The following ADAM10 variants were observed in gnomAD, a reference collection of about 807,000 sequenced individuals.
ADAM10 encodes disintegrin and metalloproteinase domain-containing protein 10.
ADAM10 carries 17 observed loss-of-function variants against 90.1 expected under a neutral mutation model. The observed-to-expected ratio is 0.19, with a 90% CI of 0.13 to 0.28. The LOEUF is 0.28. Ranked by LOEUF, ADAM10 falls within the 10% of genes least tolerant of loss-of-function variation. The pLI is 1.00. For missense variants in ADAM10, 610 were observed against 914.3 expected, an observed-to-expected ratio of 0.67 and a Z score of 4.29; for synonymous variants, 310 against 298.6, an observed-to-expected ratio of 1.04 and a Z score of -0.40.
chr15:58,621,362 A>C, intron 11 of ADAM10, 109 bp downstream of exon 11: 3 of 1,383,388 alleles, frequency 2.2e-6, no homozygotes, highest in South Asian at 1.2e-5. Flanking sequence ...AACAGATAAA[A>C]GCAAAGTTTC....
At position 58,595,580 on chromosome 15, in the gene ADAM10, A is replaced by G. The variant is rs1485784701; in HGVS notation, c.*1967T>C. ...ATCTCATTTGTCTTGATCCTTTTAT[A>G]TTACCACATCTTGATTCGCAGTGGA... On this transcript the variant is annotated 3_prime_UTR_variant, in exon 16 of 16. Transcript: ENST00000260408. The G allele has an allele frequency of 6.6e-6, 1 of 152,168 alleles. No homozygotes were observed. Among genetic ancestry groups the G allele is most frequent in the African/African-American group, 2.4e-5 (1 of 41,454 alleles). 9.4% of individuals were successfully genotyped at this position (152,168 alleles called of 1,614,324 possible).
chr15:58,627,833 T>C lies in ADAM10; in HGVS notation c.1227A>G (p.Gln409=), dbSNP rs1895990825. The C allele has an allele frequency of 1.2e-6, 2 of 1,613,610 alleles. No individual in the cohort carries two copies. Among genetic ancestry groups the C allele is most frequent in the Admixed American group, 1.7e-5 (1 of 59,994 alleles). ...ACATGATGTAATTGCCATTTTCTTT[T>C]TGACCCAAATTCTTAGATTCTCCTG... ...CTPGESKNLG[Q]KENGNYIMYA... Residue 409 remains glutamine (Q), a synonymous_variant, in exon 10 of 16, where the codon CAA becomes CAG. Coordinates refer to ENST00000260408, the MANE Select transcript of ADAM10 (RefSeq NM_001110.4).
chr15:58,594,756 T>C lies in ADAM10; in HGVS notation c.*2791A>G, dbSNP rs1894906481. 6.6e-6 allele frequency: 1 copy of C among 152,154 alleles called. No homozygotes were observed. The highest frequency in any genetic ancestry group is 1.5e-5 in the Non-Finnish European group (1 of 68,004). The allele number at this position is 152,154 out of a possible 1,614,324, so 9.4% of individuals were successfully genotyped here. On this transcript the variant is annotated 3_prime_UTR_variant, in exon 16 of 16. Coordinates refer to ENST00000260408, the MANE Select transcript of ADAM10 (RefSeq NM_001110.4). ...TTCAATTACAAGTAAAAATAACTAA[T>C]TTATAATTACCCAAATCAATCAATA... is the stretch of plus-strand genomic sequence containing the variant.
rs141157385 is a variant in ADAM10 at position 58,685,460 on chromosome 15, C to A, written c.207-3146G>T. 1.4e-3 allele frequency among the ~76,000 whole-genome samples: 203 copies of A among 143,054 alleles called. 1 individual carries two copies. The highest frequency in any genetic ancestry group is 5.2e-3 in the African/African-American group (193 of 36,800). The allele number at this position is 143,054 out of a possible 152,430, so 93.8% of individuals were successfully genotyped here. A position where few individuals can be genotyped will look rare whatever the true frequency, so the allele number is the denominator to read the frequency against. On this transcript the variant is annotated intron_variant, in intron 2 of 15. Transcript: ENST00000260408. Reference sequence around the variant, plus strand: ...CCTAGGTGACAGAACAACACTCCATCTCCAATAAATAAATAAATAAATAAA... The same window carrying A: ...CCTAGGTGACAGAACAACACTCCATATCCAATAAATAAATAAATAAATAAA...
At chr15:58,672,786 C>CAAAAAAAAAAAAAAAAAAA (rs58659295) in intron 4 of ADAM10, 39 of 60,832 alleles carry the variant, frequency 6.4e-4, no homozygotes, top group African/African-American at 2.2e-3. Context: ...CCTCATGCAG[C>CAAAAAAAAAAAAAAAAAAA]AAAAAAAAAA....
intron 4 of ADAM10, 81 bp downstream of exon 4, chr15:58,679,043 T>C: frequency 7.4e-7 from 1 of 1,349,974 alleles, no homozygotes. Flanking sequence ...AGAAAACAGC[T>C]AATGCTTCAT....
intron 1 of ADAM10, among the ~76,000 whole-genome samples, chr15:58,730,980 C>A (rs548068346): frequency 6.6e-6 from 1 of 152,336 alleles, no homozygotes; most frequent in East Asian, 1.9e-4. Flanking sequence ...CCTAGGGTCT[C>A]CAGCTTGCAG....
chr15:58,731,005 G>A (rs931972136), intron 1 of ADAM10, among the ~76,000 whole-genome samples: 3 of 152,098 alleles, frequency 2.0e-5, no homozygotes, highest in African/African-American at 7.2e-5. Context: ...CCTATCATGG[G>A]ACTTTTCAGT....
At chr15:58,695,942 C>A (rs1368477332) in intron 2 of ADAM10, among the ~76,000 whole-genome samples, 1 of 152,008 alleles carries the variant, frequency 6.6e-6, no homozygotes, top group Non-Finnish European at 1.5e-5. Flanking sequence ...CATGGTGAAA[C>A]CCCATCTCTA....
At chr15:58,703,197 A>G (rs1898179327) in intron 2 of ADAM10, among the ~76,000 whole-genome samples, 1 of 151,154 alleles carries the variant, frequency 6.6e-6, no homozygotes, top group African/African-American at 2.4e-5. Flanking sequence ...AGATTCTTTA[A>G]TTGTTTAGAC....
intron 1 of ADAM10, among the ~76,000 whole-genome samples, chr15:58,740,514 T>G (rs921388911): frequency 2.0e-5 from 3 of 152,250 alleles, no homozygotes; most frequent in South Asian, 4.1e-4. Flanking sequence ...CATATCTCAG[T>G]GTCTGCTTTG....
chr15:58,624,614 C>T (rs796260609), intron 10 of ADAM10, among the ~76,000 whole-genome samples: 16 of 152,268 alleles, frequency 1.1e-4, no homozygotes, highest in African/African-American at 3.6e-4. Flanking sequence ...TCACTGCAAC[C>T]TCCAACTCCT....
rs1898369763 is a variant in ADAM10, at chr15:58,708,347, C to T, written c.206+9230G>A. ...CCCAGGATGGCAAAATGCTGAACAT[C>T]TTCCTGGTGACAGATAAAAAAAAAA... On this transcript the variant is annotated intron_variant, in intron 2 of 15. Transcript: ENST00000260408. Among the ~76,000 whole-genome samples, 4 of 151,956 alleles carry T rather than the reference C, an allele frequency of 2.6e-5. No individual in the cohort carries two copies. The South Asian group carries it at 8.3e-4, about 32-fold the overall frequency.
Position 58,733,352 on chromosome 15 carries a change from C to G in ADAM10, c.56-15625G>C, listed in dbSNP as rs115041888. Among the ~76,000 whole-genome samples the G allele has an allele frequency of 9.2e-3, 1,403 of 152,220 alleles. 26 individuals carry two copies. The highest frequency in any genetic ancestry group is 0.032 in the African/African-American group (1,341 of 41,540). ...GAGTGGTTTCAGTGTGGAAATGACC[C>G]AGCTCCTGCCCAAAAGACCTGGGTT... On this transcript the variant is annotated intron_variant, in intron 1 of 15. Transcript: ENST00000260408.
chr15:58,632,713 T>C (rs1393332972), intron 9 of ADAM10, among the ~76,000 whole-genome samples: 2 of 152,162 alleles, frequency 1.3e-5, no homozygotes, highest in African/African-American at 2.4e-5. Flanking sequence ...CATTCCACGG[T>C]AGAGAAAATA....
chr15:58,732,171 G>A (rs1482667560), intron 1 of ADAM10: 8 of 152,466 alleles, frequency 5.2e-5, no homozygotes, highest in African/African-American at 1.9e-4. Flanking sequence ...TGGACAAAGG[G>A]GCTGCAAGTG....
intron 4 of ADAM10, among the ~76,000 whole-genome samples, chr15:58,666,334 G>A (rs1030163558): frequency 9.3e-5 from 14 of 151,266 alleles, no homozygotes; most frequent in African/African-American, 3.4e-4. Context: ...CTATGAAAGA[G>A]AGAAGCTCCT....
At chr15:58,616,540 C>CAA (rs1389879471) in intron 11 of ADAM10, among the ~76,000 whole-genome samples, 1 of 152,002 alleles carries the variant, frequency 6.6e-6, no homozygotes, top group African/African-American at 2.4e-5. Flanking sequence ...ACCAATGAGT[C>CAA]AATGAAGAAA....
intron 2 of ADAM10, among the ~76,000 whole-genome samples, chr15:58,710,105 C>T (rs1440044700): frequency 6.6e-6 from 1 of 152,028 alleles, no homozygotes; most frequent in Admixed American, 6.6e-5. Flanking sequence ...TGGTGAAACC[C>T]CATCTCTACT....
Sources: allele counts gnomAD v4.1 joint callset (sites outside exome capture counted in the v4.1 genomes callset), GRCh38; gene constraint gnomAD v4.1.1; transcripts MANE v1.5; gene names NCBI Gene and HGNC (gene_info 2026-07-23, HGNC 2026-07-21).